Variants in ZNHIT6 observed in about 807,000 individuals in gnomAD.
ZNHIT6 encodes box C/D snoRNA protein 1.
In ZNHIT6, 45 loss-of-function variants were observed where a neutral mutation model predicts 57.2. That is an observed-to-expected ratio of 0.79 (90% CI 0.62 to 1.01). The LOEUF (loss-of-function observed/expected upper bound fraction) is 1.01. Among genes scored for constraint, ZNHIT6 ranks in the 50% least tolerant of loss-of-function variants. The probability of loss-of-function intolerance (pLI) is 0.00; values close to 1 mark genes in which losing one functional copy is unlikely to be tolerated. For missense variants in ZNHIT6, 528 were observed against 567.3 expected, an observed-to-expected ratio of 0.93 and a Z score of 0.70; for synonymous variants, 188 against 190.0, an observed-to-expected ratio of 0.99 and a Z score of 0.09.
chr1:85,697,036 ATTT>A lies in ZNHIT6; in HGVS notation c.1019+5118_1019+5120del, dbSNP rs67423915. ...CCACCACGCCCAGCTAATTTTTCGT[ATTT>A]TTTTTTTTTTTTAGTAGAGACGGGG... On this transcript the variant is annotated intron_variant, in intron 5 of 9. Coordinates refer to ENST00000370574, the MANE Select transcript of ZNHIT6 (RefSeq NM_017953.4). Among the ~76,000 whole-genome samples the A allele has an allele frequency of 7.2e-4, 105 of 146,302 alleles. 1 individual carries two copies. The East Asian group carries it at 0.01, about 15-fold the overall frequency.
Position 85,649,564 on chromosome 1 carries a change from G to C in ZNHIT6, c.*4494C>G, listed in dbSNP as rs1660847700. 6.6e-6 allele frequency: 1 copy of C among 152,198 alleles called. No homozygotes were observed. The highest frequency in any genetic ancestry group is 1.5e-5 in the Non-Finnish European group (1 of 68,042). The allele number at this position is 152,198 out of a possible 1,614,324, so 9.4% of individuals were successfully genotyped here. A position where few individuals can be genotyped will look rare whatever the true frequency, so the allele number is the denominator to read the frequency against. On this transcript the variant is annotated 3_prime_UTR_variant, in exon 10 of 10. Coordinates refer to ENST00000370574, the MANE Select transcript of ZNHIT6 (RefSeq NM_017953.4). ...ACACTCCAGTATGGAAAATGTTCAT[G>C]TTATAGGTCATTTTAATGAACACAT...
intron 8 of ZNHIT6, among the ~76,000 whole-genome samples, chr1:85,665,686 C>T (rs1391649520): frequency 6.6e-6 from 1 of 152,058 alleles, no homozygotes; most frequent in Non-Finnish European, 1.5e-5. Flanking sequence ...CTTAATCTTG[C>T]TAACAAAACA....
chr1:85,707,580 T>G (rs1346787362), intron 1 of ZNHIT6, 49 bp downstream of exon 1: 25 of 1,498,676 alleles, frequency 1.7e-5, no homozygotes, highest in Non-Finnish European at 2.1e-5. Context: ...ACTCTAGACA[T>G]GAGGACTCCA....
At chr1:85,690,311 G>A in intron 5 of ZNHIT6, among the ~76,000 whole-genome samples, 1 of 152,020 alleles carries the variant, frequency 6.6e-6, no homozygotes, top group East Asian at 1.9e-4. Context: ...AACCCCCACT[G>A]GTTTTTAGGC....
At chr1:85,665,118 C>T (rs1055884695) in intron 8 of ZNHIT6, among the ~76,000 whole-genome samples, 1 of 151,766 alleles carries the variant, frequency 6.6e-6, no homozygotes, top group Non-Finnish European at 1.5e-5. Context: ...TACCAACATC[C>T]AAATGTCCTT....
intron 5 of ZNHIT6, among the ~76,000 whole-genome samples, chr1:85,699,279 A>C (rs1010178766): frequency 6.6e-6 from 1 of 152,094 alleles, no homozygotes; most frequent in Non-Finnish European, 1.5e-5. Flanking sequence ...AGACACAAAT[A>C]TCTCAAACAA....
intron 6 of ZNHIT6, among the ~76,000 whole-genome samples, chr1:85,679,933 C>T (rs752661124): frequency 1.9e-4 from 29 of 152,270 alleles, no homozygotes; most frequent in Non-Finnish European, 3.1e-4. Context: ...AGGCTGGATG[C>T]GGTGGCTCAC....
At chr1:85,667,961 A>AAAAAAAAAAAAAAAATATATAT in intron 8 of ZNHIT6, among the ~76,000 whole-genome samples, 14 of 18,196 alleles carry the variant, frequency 7.7e-4, no homozygotes, top group Non-Finnish European at 1.3e-3. Flanking sequence ...AAAAAAAAAA[A>AAAAAAAAAAAAAAAATATATAT]ATATATATAT....
intron 5 of ZNHIT6, among the ~76,000 whole-genome samples, chr1:85,688,088 G>T (rs143146013): frequency 6.6e-6 from 1 of 151,406 alleles, no homozygotes; most frequent in East Asian, 1.9e-4. Flanking sequence ...AAAACTACCA[G>T]TAAACTGTTT....
At chr1:85,688,217 G>A (rs1016887880) in intron 5 of ZNHIT6, among the ~76,000 whole-genome samples, 1 of 152,064 alleles carries the variant, frequency 6.6e-6, no homozygotes, top group Non-Finnish European at 1.5e-5. Flanking sequence ...AATTCTATGA[G>A]GTAAAATATT....
chr1:85,667,947 C>CAA (rs1156795211), intron 8 of ZNHIT6, among the ~76,000 whole-genome samples: 1 of 9,262 alleles, frequency 1.1e-4, no homozygotes, highest in Non-Finnish European at 2.2e-4. Context: ...CTCTCTCTTT[C>CAA]AAAAAAAAAA....
At position 85,695,822 on chromosome 1, in the gene ZNHIT6, G is replaced by A. The variant is rs1662351599; in HGVS notation, c.1019+6335C>T. ...GAGGCCGAGGCGGGCGGATCACAAG[G>A]TCAGGAGATCCAGACCATCCTGGCT... On this transcript the variant is annotated intron_variant, in intron 5 of 9. Transcript: ENST00000370574. Among the ~76,000 whole-genome samples the A allele has an allele frequency of 2.0e-5, 3 of 152,224 alleles. No homozygotes were observed. In the South Asian group the frequency reaches 6.2e-4, roughly 32 times the overall value.
chr1:85,685,170 C>T (rs1198232778), intron 5 of ZNHIT6, among the ~76,000 whole-genome samples: 30 of 151,874 alleles, frequency 2.0e-4, no homozygotes, highest in Admixed American at 2.0e-3. Context: ...ATTTTTGCCT[C>T]AATAGTTTTA....
chr1:85,698,378 G>C (rs529653445), intron 5 of ZNHIT6, among the ~76,000 whole-genome samples: 13 of 152,260 alleles, frequency 8.5e-5, no homozygotes, highest in African/African-American at 3.1e-4. Context: ...ATCCCAGTCA[G>C]CTGCTACAAT....
chr1:85,683,068 T>A (rs993436076), intron 5 of ZNHIT6, among the ~76,000 whole-genome samples: 1 of 151,986 alleles, frequency 6.6e-6, no homozygotes, highest in East Asian at 1.9e-4. Flanking sequence ...AATACAAAAA[T>A]GAGCCAGGCA....
intron 8 of ZNHIT6, among the ~76,000 whole-genome samples, chr1:85,669,206 G>T (rs1025115928): frequency 7.9e-5 from 12 of 152,146 alleles, no homozygotes; most frequent in African/African-American, 1.9e-4. Context: ...GTGAAAGGGG[G>T]TCTTTTCTTG....
intron 8 of ZNHIT6, among the ~76,000 whole-genome samples, chr1:85,668,880 T>G (rs972199610): frequency 2.0e-5 from 3 of 152,156 alleles, no homozygotes; most frequent in Admixed American, 6.6e-5. Flanking sequence ...AGACATTGTG[T>G]GGGAACCAAA....
chr1:85,652,291 G>A lies in ZNHIT6; in HGVS notation c.*1767C>T, dbSNP rs1048297660. 1.3e-5 allele frequency: 2 copies of A among 152,064 alleles called. No individual in the cohort carries two copies. Among genetic ancestry groups the A allele is most frequent in the African/African-American group, 4.8e-5 (2 of 41,418 alleles). The allele number at this position is 152,064 out of a possible 1,614,324, so 9.4% of individuals were successfully genotyped here. A position where few individuals can be genotyped will look rare whatever the true frequency, so the allele number is the denominator to read the frequency against. Reference sequence around the variant, plus strand: ...ATCCCACTTCTCCTAATAACAACACGTTTCACTCAATTCATCTATTTCTTG... The same window carrying A: ...ATCCCACTTCTCCTAATAACAACACATTTCACTCAATTCATCTATTTCTTG... On this transcript the variant is annotated 3_prime_UTR_variant, in exon 10 of 10. Coordinates refer to ENST00000370574, the MANE Select transcript of ZNHIT6 (RefSeq NM_017953.4).
At chr1:85,694,463 T>G (rs1484902641) in intron 5 of ZNHIT6, among the ~76,000 whole-genome samples, 1 of 3,194 alleles carries the variant, frequency 3.1e-4, no homozygotes, top group African/African-American at 5.0e-4. Context: ...AAATTTTTCG[T>G]TTTTCTTTTT....
Sources: gnomAD v4.1 joint callset for allele counts (sites outside exome capture counted in the v4.1 genomes callset) on GRCh38, gnomAD v4.1.1 for gene constraint, MANE v1.5 for transcripts, NCBI Gene and HGNC (gene_info 2026-07-23, HGNC 2026-07-21) for gene names.